The following PFKFB3 variants were observed in gnomAD, a reference collection of about 807,000 sequenced individuals.
PFKFB3 encodes 6-phosphofructo-2-kinase/fructose-2,6-bisphosphatase 3.
In PFKFB3, 33 loss-of-function variants were observed where a neutral mutation model predicts 68.0. The observed-to-expected ratio is 0.49, with a 90% confidence interval of 0.37 to 0.65. The LOEUF (loss-of-function observed/expected upper bound fraction) is 0.65, where lower values mean the gene tolerates loss of function less well. Among genes scored for constraint, PFKFB3 ranks in the 30% least tolerant of loss-of-function variants. The probability of loss-of-function intolerance (pLI) is 0.00; values close to 1 mark genes in which losing one functional copy is unlikely to be tolerated. For synonymous variants in PFKFB3, 315 were observed against 288.2 expected, an observed-to-expected ratio of 1.09 and a Z score of -0.94; for missense variants, 586 against 712.2, an observed-to-expected ratio of 0.82 and a Z score of 2.02.
At chr10:6,325,697 C>G in the PFKFB3 span, among the ~76,000 whole-genome samples, 1 of 152,128 alleles carries the variant, frequency 6.6e-6, no homozygotes, top group Non-Finnish European at 1.5e-5. Flanking sequence ...CGTTAATGCT[C>G]AATTTAAAAT....
At chr10:6,202,315 C>G (rs603973), upstream of PFKFB3, 117,579 of 152,154 alleles carry the variant, frequency 0.77, 45,666 homozygotes, top group East Asian at 1. Context: ...AGGGATTCAG[C>G]AAAGTGGACA....
chr10:6,276,596 G>A, the PFKFB3 span, among the ~76,000 whole-genome samples: 5 of 152,146 alleles, frequency 3.3e-5, no homozygotes, highest in Non-Finnish European at 5.9e-5. Flanking sequence ...AGATGTTGCA[G>A]CTGCAAGTGG....
At chr10:6,291,556 A>G in the PFKFB3 span, among the ~76,000 whole-genome samples, 1 of 130,736 alleles carries the variant, frequency 7.6e-6, no homozygotes, top group African/African-American at 3.4e-5. Flanking sequence ...ACTCTGTCTC[A>G]AAAAAAAAAA....
At chr10:6,178,570 C>CG (rs55912995) in intron 1 of PFKFB3, among the ~76,000 whole-genome samples, 15,894 of 152,102 alleles carry the variant, frequency 0.1, 1,106 homozygotes, top group East Asian at 0.31. Flanking sequence ...GGAGAGCTTC[C>CG]GGGATGGACA....
downstream of PFKFB3, among the ~76,000 whole-genome samples, chr10:6,258,396 A>G (rs186535920): frequency 2.0e-5 from 3 of 152,360 alleles, no homozygotes; most frequent in Admixed American, 2.0e-4. Flanking sequence ...CCTCTGCCAT[A>G]CAGCAGGAGC....
intron 1 of PFKFB3, among the ~76,000 whole-genome samples, chr10:6,208,201 A>T (rs2131896659): frequency 6.6e-6 from 1 of 152,156 alleles, no homozygotes. Context: ...CCTCCTGAGT[A>T]GCTGGGACTA....
chr10:6,207,730 C>T (rs987267446), intron 1 of PFKFB3, among the ~76,000 whole-genome samples: 1 of 152,234 alleles, frequency 6.6e-6, no homozygotes, highest in African/African-American at 2.4e-5. Context: ...ACGGGATGCC[C>T]TGTTGCTACA....
chr10:6,226,383 T>C lies in PFKFB3; in HGVS notation c.1515+18T>C, dbSNP rs1845353620. 1.9e-6 allele frequency: 3 copies of C among 1,588,468 alleles called. No homozygotes were observed. The highest frequency in any genetic ancestry group is 2.6e-6 in the Non-Finnish European group (3 of 1,167,952). Reference sequence around the variant, plus strand: ...CTGGACAAGTCAGTGCACTCCCCTTTCCTTCCTGCCTGGGGGACGCATGCC... The same window carrying C: ...CTGGACAAGTCAGTGCACTCCCCTTCCCTTCCTGCCTGGGGGACGCATGCC... On this transcript the variant is annotated intron_variant, in intron 14 of 14. Transcript: ENST00000379775.
exon 15 of PFKFB3, chr10:6,254,456 C>T (rs1846457511): frequency 5.0e-6 from 2 of 398,118 alleles, no homozygotes; most frequent in Non-Finnish European, 8.8e-6. Context: ...TGGGATTTCC[C>T]AGGTCAGTGT....
intron 1 of PFKFB3, among the ~76,000 whole-genome samples, chr10:6,162,589 A>G (rs1842000944): frequency 6.6e-6 from 1 of 152,162 alleles, no homozygotes; most frequent in Non-Finnish European, 1.5e-5. Flanking sequence ...TTTCATCATC[A>G]TTATTAATAG....
intron 1 of PFKFB3, among the ~76,000 whole-genome samples, chr10:6,153,781 G>A (rs1841677435): frequency 6.6e-6 from 1 of 152,008 alleles, no homozygotes; most frequent in Admixed American, 6.6e-5. Context: ...CTTGAACCTG[G>A]GAGGTGAGGT....
At chr10:6,312,111 C>T in the PFKFB3 span, among the ~76,000 whole-genome samples, 7 of 152,038 alleles carry the variant, frequency 4.6e-5, no homozygotes, top group South Asian at 2.1e-4. Flanking sequence ...GGGTGGCAAG[C>T]GGGGCTGTGC....
chr10:6,263,026 C>A, the PFKFB3 span, among the ~76,000 whole-genome samples: 1 of 152,194 alleles, frequency 6.6e-6, no homozygotes, highest in Non-Finnish European at 1.5e-5. Flanking sequence ...TAAAGACACA[C>A]ACACACACAG....
At chr10:6,221,818 TC>T in intron 10 of PFKFB3, 73 bp downstream of exon 10, 1 of 1,001,738 alleles carries the variant, frequency 1.0e-6, no homozygotes, top group Non-Finnish European at 1.5e-6. Context: ...GGGCCACCCC[TC>T]CAGGGAGTTC....
intron 1 of PFKFB3, among the ~76,000 whole-genome samples, chr10:6,184,734 AGT>A (rs1249655665): frequency 2.0e-5 from 3 of 148,470 alleles, no homozygotes; most frequent in Non-Finnish European, 4.4e-5. Flanking sequence ...GGCCTCCCAA[AGT>A]GCTGGAATTA....
At chr10:6,214,958 A>T (rs1244894177) in intron 2 of PFKFB3, among the ~76,000 whole-genome samples, 1 of 152,252 alleles carries the variant, frequency 6.6e-6, no homozygotes, top group South Asian at 2.1e-4. Context: ...CTGAGATTGT[A>T]GACTTGGCTG....
At chr10:6,310,721 G>C in the PFKFB3 span, among the ~76,000 whole-genome samples, 148,066 of 152,314 alleles carry the variant, frequency 0.97, 72,099 homozygotes, top group East Asian at 1. Flanking sequence ...TTTGTGAAAC[G>C]CCTTGTTAAT....
chr10:6,311,731 A>G, the PFKFB3 span, among the ~76,000 whole-genome samples: 1 of 152,164 alleles, frequency 6.6e-6, no homozygotes, highest in South Asian at 2.1e-4. Context: ...CGTGGGTGAC[A>G]GAACTAGACT....
intron 1 of PFKFB3, among the ~76,000 whole-genome samples, chr10:6,185,139 C>T (rs1376040396): frequency 3.3e-5 from 5 of 152,224 alleles, no homozygotes; most frequent in African/African-American, 7.2e-5. Flanking sequence ...GACCACGGCA[C>T]GCCCCACGAG....
Sources: gnomAD v4.1 joint callset for allele counts (sites outside exome capture counted in the v4.1 genomes callset) on GRCh38, gnomAD v4.1.1 for gene constraint, MANE v1.5 for transcripts, NCBI Gene and HGNC (gene_info 2026-07-23, HGNC 2026-07-21) for gene names.